Variants in KCNJ16 observed in about 807,000 individuals in gnomAD.
KCNJ16 encodes potassium inwardly rectifying channel subfamily J member 16, also known as inward rectifier potassium channel 16.
KCNJ16 carries 15 observed loss-of-function variants against 18.5 expected under a neutral mutation model. That is an observed-to-expected ratio of 0.81 (90% CI 0.54 to 1.25). The LOEUF (loss-of-function observed/expected upper bound fraction) is 1.25. Ranked by LOEUF, KCNJ16 falls within the 50% of genes most tolerant of loss-of-function variation. KCNJ16 has a pLI of 0.00. For missense variants in KCNJ16, 523 were observed against 525.7 expected, an observed-to-expected ratio of 0.99 and a Z score of 0.05; for synonymous variants, 174 against 186.5, an observed-to-expected ratio of 0.93 and a Z score of 0.55.
chr17:70,097,518 T>A (rs2072434323), intron 1 of KCNJ16, among the ~76,000 whole-genome samples: 1 of 152,174 alleles, frequency 6.6e-6, no homozygotes, highest in Admixed American at 6.5e-5. Flanking sequence ...GAATGCTTTT[T>A]AAAAACATAC....
chr17:70,101,378 T>C (rs2079781454), intron 2 of KCNJ16: 1 of 152,220 alleles, frequency 6.6e-6, no homozygotes, highest in Non-Finnish European at 1.5e-5. Flanking sequence ...TTCTCAATAG[T>C]ACTGCAAAAG....
chr17:70,116,405 T>C lies in KCNJ16; in HGVS notation c.-190-14474T>C, dbSNP rs16975190. ...GCCCTCCAATGTAGTCGTGTCTTTG[T>C]ATTCATCCGTAATAATTTCTTTAGA... On this transcript the variant is annotated intron_variant, in intron 2 of 3. Transcript: ENST00000392671. Among the ~76,000 whole-genome samples the C allele has an allele frequency of 3.8e-3, 579 of 152,324 alleles. 4 individuals are homozygous for C. The highest frequency in any genetic ancestry group is 0.014 in the African/African-American group (564 of 41,572).
At chr17:70,079,038 G>C (rs745916589) in intron 1 of KCNJ16, among the ~76,000 whole-genome samples, 24 of 152,068 alleles carry the variant, frequency 1.6e-4, no homozygotes, top group Non-Finnish European at 3.4e-4. Flanking sequence ...ATTAGTCAAG[G>C]ATCTCTAGAG....
intron 2 of KCNJ16, chr17:70,101,364 T>C (rs2072609664): frequency 1.3e-5 from 2 of 152,188 alleles, no homozygotes; most frequent in Non-Finnish European, 1.5e-5. Flanking sequence ...ACAATTTAGG[T>C]ACTTTCTCAA....
At chr17:70,102,835 G>T (rs1402628013) in intron 2 of KCNJ16, among the ~76,000 whole-genome samples, 3 of 152,008 alleles carry the variant, frequency 2.0e-5, no homozygotes, top group Non-Finnish European at 2.9e-5. Flanking sequence ...CTTTCATCAA[G>T]GTCACCAGTG....
At chr17:70,124,129 G>A (rs1255009138) in intron 2 of KCNJ16, among the ~76,000 whole-genome samples, 1 of 152,216 alleles carries the variant, frequency 6.6e-6, no homozygotes, top group Middle Eastern at 3.2e-3. Flanking sequence ...GGTCTGAGTT[G>A]AGAGCATTTT....
At chr17:70,120,314 C>CGA (rs578233187) in intron 2 of KCNJ16, among the ~76,000 whole-genome samples, 112 of 152,292 alleles carry the variant, frequency 7.4e-4, no homozygotes, top group African/African-American at 1.9e-3. Context: ...TTTCTGTCTT[C>CGA]TTCTGAGTCC....
chr17:70,123,161 T>A (rs1368296364), intron 2 of KCNJ16, among the ~76,000 whole-genome samples: 1 of 152,194 alleles, frequency 6.6e-6, no homozygotes, highest in Admixed American at 6.5e-5. Context: ...CTACGAGATA[T>A]TCTATGCTCT....
chr17:70,098,488 G>T (rs1275790398), intron 1 of KCNJ16, among the ~76,000 whole-genome samples: 1 of 151,050 alleles, frequency 6.6e-6, no homozygotes, highest in East Asian at 1.9e-4. Context: ...TTTGCCATAT[G>T]CCTCTTAACA....
chr17:70,107,652 T>C (rs1285406664), intron 2 of KCNJ16, among the ~76,000 whole-genome samples: 1 of 151,938 alleles, frequency 6.6e-6, no homozygotes, highest in Admixed American at 6.6e-5. Context: ...GGATGATCTG[T>C]CCTGTTGGCA....
At chr17:70,106,821 G>A (rs2143935876) in intron 2 of KCNJ16, among the ~76,000 whole-genome samples, 1 of 152,296 alleles carries the variant, frequency 6.6e-6, no homozygotes, top group East Asian at 1.9e-4. Flanking sequence ...GAGGAGTCAT[G>A]GGGGTCGAGA....
intron 1 of KCNJ16, among the ~76,000 whole-genome samples, chr17:70,080,125 C>T (rs2071490279): frequency 6.6e-6 from 1 of 152,280 alleles, no homozygotes; most frequent in Non-Finnish European, 1.5e-5. Context: ...GTCCAACCTT[C>T]TAATGACATT....
intron 2 of KCNJ16, among the ~76,000 whole-genome samples, chr17:70,129,653 T>A (rs2073988164): frequency 6.6e-6 from 1 of 152,218 alleles, no homozygotes; most frequent in Non-Finnish European, 1.5e-5. Context: ...ATGATCACAA[T>A]AATGAACCAC....
intron 1 of KCNJ16, among the ~76,000 whole-genome samples, chr17:70,080,398 A>G (rs2071502157): frequency 6.6e-6 from 1 of 152,192 alleles, no homozygotes; most frequent in African/African-American, 2.4e-5. Flanking sequence ...TTATTTTCAT[A>G]ATGCAGGTAT....
intron 2 of KCNJ16, among the ~76,000 whole-genome samples, chr17:70,116,742 A>G (rs374587960): frequency 1.2e-4 from 18 of 152,324 alleles, no homozygotes; most frequent in African/African-American, 4.3e-4. Context: ...GCAAATCTAA[A>G]CCACAATGAG....
At chr17:70,131,343 T>C (rs1346823283) in intron 3 of KCNJ16, 15 of 1,065,660 alleles carry the variant, frequency 1.4e-5, no homozygotes, top group Non-Finnish European at 1.7e-5. Context: ...TTTTTTTCTT[T>C]TCTTTCAAGA....
In KCNJ16 at chr17:70,083,229, T is replaced by C. The variant is rs557545550; in HGVS notation, c.-300+7839T>C. On this transcript the variant is annotated intron_variant, in intron 1 of 3. Coordinates refer to ENST00000392671, the MANE Select transcript of KCNJ16 (RefSeq NM_170741.4). ...TATATATATAATATGTAAAGAGATA[T>C]ATATTATAATATATGTAGCAGGTGA... is the stretch of plus-strand genomic sequence containing the variant. Among the ~76,000 whole-genome samples, 6 of 148,646 alleles carry C rather than the reference T, an allele frequency of 4.0e-5. No homozygotes were observed. The Admixed American group carries it at 4.1e-4, about 10-fold the overall frequency.
chr17:70,101,964 A>G (rs1946504114), intron 2 of KCNJ16: 1 of 152,068 alleles, frequency 6.6e-6, no homozygotes, highest in Admixed American at 6.6e-5. Flanking sequence ...ATATGATTAT[A>G]AAAGCAATGA....
chr17:70,119,259 T>C (rs1467853044), intron 2 of KCNJ16, among the ~76,000 whole-genome samples: 4 of 152,236 alleles, frequency 2.6e-5, no homozygotes, highest in South Asian at 2.1e-4. Flanking sequence ...GGTTGTTGAA[T>C]GCATGTAGCT....
Sources: allele counts gnomAD v4.1 joint callset (sites outside exome capture counted in the v4.1 genomes callset), GRCh38; gene constraint gnomAD v4.1.1; transcripts MANE v1.5; gene names NCBI Gene and HGNC (gene_info 2026-07-23, HGNC 2026-07-21).